SAMD3: variants seen among roughly 807,000 people sequenced by gnomAD.
The protein encoded by SAMD3 is sterile alpha motif domain-containing protein 3.
SAMD3 carries 63 observed loss-of-function variants against 58.5 expected under a neutral mutation model. That is an observed-to-expected ratio of 1.08 (90% CI 0.88 to 1.33). SAMD3 has a LOEUF of 1.33. Among genes scored for constraint, SAMD3 ranks in the 40% most tolerant of loss-of-function variants. SAMD3 has a pLI of 0.00. For synonymous variants in SAMD3, 220 were observed against 210.3 expected (o/e 1.05, Z -0.40); for missense variants, 604 against 608.4 (o/e 0.99, Z 0.08).
In SAMD3 at chr6:130,214,547, T is replaced by C. The variant is rs370779638; in HGVS notation, c.80-21A>G. The C allele has an allele frequency of 1.9e-3, 3,013 of 1,558,248 alleles. 5 individuals carry two copies. The highest frequency in any genetic ancestry group is 2.4e-3 in the Non-Finnish European group (2,788 of 1,155,442). ...TTCCTCTGGGAAAAAGAAAAAAAAT[T>C]AGTTTCTACATGACTTTCCGGCAAA... On this transcript the variant is annotated intron_variant, in intron 3 of 11. Coordinates refer to ENST00000439090, the MANE Select transcript of SAMD3 (RefSeq NM_001017373.4).
intron 5 of SAMD3, among the ~76,000 whole-genome samples, chr6:130,199,672 A>G (rs1247510603): frequency 6.6e-6 from 1 of 152,224 alleles, no homozygotes; most frequent in Non-Finnish European, 1.5e-5. Flanking sequence ...TGAAGAGCTC[A>G]ATAGAGACAC....
At chr6:130,294,683 T>A (rs1256183778) in intron 2 of SAMD3, among the ~76,000 whole-genome samples, 3 of 151,772 alleles carry the variant, frequency 2.0e-5, no homozygotes, top group Admixed American at 6.6e-5. Flanking sequence ...TATAACTCCC[T>A]GCTTTTTGGT....
At chr6:130,240,351 G>C (rs187652916) in intron 2 of SAMD3, among the ~76,000 whole-genome samples, 1 of 152,254 alleles carries the variant, frequency 6.6e-6, no homozygotes, top group African/African-American at 2.4e-5. Context: ...GGACCAAACA[G>C]AGTCAAAGAG....
exon 1 of SAMD3, chr6:130,365,146 T>G: frequency 1.0e-6 from 1 of 980,180 alleles, no homozygotes; most frequent in Non-Finnish European, 1.2e-6. Context: ...TATACAGTCA[T>G]CACCGTCTTT....
chr6:130,151,293 A>G (rs1309754131), intron 9 of SAMD3, among the ~76,000 whole-genome samples: 1 of 151,888 alleles, frequency 6.6e-6, no homozygotes, highest in Non-Finnish European at 1.5e-5. Context: ...AGGGTCCTGC[A>G]TTGCCTGTAC....
At chr6:130,252,327 T>TA (rs1236237140) in intron 2 of SAMD3, among the ~76,000 whole-genome samples, 2 of 152,194 alleles carry the variant, frequency 1.3e-5, no homozygotes, top group Non-Finnish European at 2.9e-5. Context: ...AGCATATAAT[T>TA]AGAGTAAGCT....
chr6:130,288,818 A>G (rs1775262723), intron 2 of SAMD3, among the ~76,000 whole-genome samples: 1 of 152,212 alleles, frequency 6.6e-6, no homozygotes, highest in South Asian at 2.1e-4. Flanking sequence ...GAAGAGCTAA[A>G]GGTTGGTGAT....
At chr6:130,192,698 C>T (rs113160167) in intron 5 of SAMD3, among the ~76,000 whole-genome samples, 32,255 of 152,140 alleles carry the variant, frequency 0.21, 4,218 homozygotes, top group East Asian at 0.44. Flanking sequence ...TCTCTTCACA[C>T]GGTCGCGCAT....
chr6:130,219,191 C>G (rs997943944), intron 1 of SAMD3, among the ~76,000 whole-genome samples: 2 of 152,032 alleles, frequency 1.3e-5, no homozygotes, highest in African/African-American at 4.8e-5. Flanking sequence ...TAATTTTTTT[C>G]ATACATCACG....
chr6:130,150,760 G>T (rs576327916), intron 9 of SAMD3, among the ~76,000 whole-genome samples: 94 of 149,418 alleles, frequency 6.3e-4, no homozygotes, highest in African/African-American at 2.2e-3. Flanking sequence ...CGCCCAGGCT[G>T]GAGTCCAGTG....
At chr6:130,174,716 T>C (rs1048573993) in intron 8 of SAMD3, among the ~76,000 whole-genome samples, 1 of 152,236 alleles carries the variant, frequency 6.6e-6, no homozygotes, top group African/African-American at 2.4e-5. Context: ...TTTTTCAAAG[T>C]TTCTAAAAAG....
chr6:130,267,278 T>A (rs1774393791), intron 2 of SAMD3, among the ~76,000 whole-genome samples: 2 of 152,298 alleles, frequency 1.3e-5, no homozygotes, highest in South Asian at 4.1e-4. Context: ...AAAACCCTTA[T>A]AATAGGAGTT....
intron 7 of SAMD3, among the ~76,000 whole-genome samples, chr6:130,180,769 G>T (rs1383242582): frequency 1.3e-5 from 2 of 152,040 alleles, no homozygotes; most frequent in Non-Finnish European, 2.9e-5. Flanking sequence ...TGCCAGGGAT[G>T]CTACTAAATA....
chr6:130,215,283 C>T lies in SAMD3; in HGVS notation c.-10G>A. The T allele has an allele frequency of 1.9e-6, 3 of 1,599,394 alleles. No individual in the cohort carries two copies. The highest frequency in any genetic ancestry group is 2.2e-5 in the South Asian group (2 of 89,990). Reference sequence around the variant, plus strand: ...CTGACCAGGTTTCCATTGCTGTCTCCTGTAAATACACCTGTAGAGCAAAAG... The same window carrying T: ...CTGACCAGGTTTCCATTGCTGTCTCTTGTAAATACACCTGTAGAGCAAAAG... On this transcript the variant is annotated 5_prime_UTR_variant, in exon 3 of 12. Transcript: ENST00000439090.
At chr6:130,269,775 C>CT (rs1441300518) in intron 2 of SAMD3, among the ~76,000 whole-genome samples, 2 of 151,488 alleles carry the variant, frequency 1.3e-5, no homozygotes, top group African/African-American at 4.9e-5. Context: ...TTTTACTCCT[C>CT]TTTTTCTACT....
intron 2 of SAMD3, among the ~76,000 whole-genome samples, chr6:130,301,185 T>C (rs888649054): frequency 6.6e-6 from 1 of 152,184 alleles, no homozygotes; most frequent in African/African-American, 2.4e-5. Context: ...TTTCATGGTG[T>C]ATATGTGCCA....
intron 2 of SAMD3, among the ~76,000 whole-genome samples, chr6:130,267,016 C>T (rs1774384010): frequency 6.6e-6 from 1 of 152,098 alleles, no homozygotes; most frequent in Admixed American, 6.5e-5. Flanking sequence ...CTATTCTAGC[C>T]CGGTGAGAAA....
At chr6:130,183,451 C>G (rs1792601456) in intron 7 of SAMD3, 2 of 434,654 alleles carry the variant, frequency 4.6e-6, no homozygotes, top group East Asian at 1.4e-4. Context: ...GGCTGGAGGC[C>G]CAGACCTCAA....
rs542926040 is a variant in SAMD3 at position 130,193,028 on chromosome 6, C to T, written c.384-8405G>A. ...CGTTTCATCCGTGGACCCAAAACTC[C>T]GGTGCCAGTCACAGACTGGGAAGGC... On this transcript the variant is annotated intron_variant, in intron 5 of 11. Transcript: ENST00000439090. Among the ~76,000 whole-genome samples, 15 of 152,264 alleles carry T rather than the reference C, an allele frequency of 9.9e-5. 1 individual carries two copies. In the South Asian group the frequency reaches 1.0e-3, roughly 11 times the overall value.
Sources: allele counts gnomAD v4.1 joint callset (sites outside exome capture counted in the v4.1 genomes callset), GRCh38; gene constraint gnomAD v4.1.1; transcripts MANE v1.5; gene names NCBI Gene and HGNC (gene_info 2026-07-23, HGNC 2026-07-21).